The following MED13 variants were observed in gnomAD, a reference collection of about 807,000 sequenced individuals.
MED13 encodes mediator complex subunit 13.
In MED13, 23 loss-of-function variants were observed where a neutral mutation model predicts 225.2. The observed-to-expected ratio is 0.10, with a 90% CI of 0.07 to 0.14. MED13 has a LOEUF of 0.14. Ranked by LOEUF, MED13 falls within the 10% of genes least tolerant of loss-of-function variation. MED13 has a pLI of 1.00. For synonymous variants in MED13, 942 were observed against 889.2 expected (o/e 1.06, Z -1.06); for missense variants, 2,197 against 2,594.5 (o/e 0.85, Z 3.33).
intron 20 of MED13, 138 bp from the exon 21 acceptor site, chr17:61,963,109 T>C (rs2080017969): frequency 1.5e-6 from 1 of 649,672 alleles, no homozygotes; most frequent in South Asian, 1.9e-5. Context: ...ATGAAGGACA[T>C]TTCTTTCTCG....
intron 8 of MED13, among the ~76,000 whole-genome samples, chr17:62,025,787 T>G (rs1312890787): frequency 1.3e-5 from 2 of 152,156 alleles, no homozygotes; most frequent in African/African-American, 4.8e-5. Context: ...TTAGGTGTGG[T>G]TTTTTTAGCT....
Position 62,029,934 on chromosome 17 carries a change from A to G in MED13, c.1089T>C (p.His363=). 2 of 1,614,050 alleles carry G rather than the reference A, an allele frequency of 1.2e-6. No homozygotes were observed. Among genetic ancestry groups the G allele is most frequent in the Non-Finnish European group, 8.5e-7 (1 of 1,179,992 alleles). The change falls in exon 7 of 30, where the codon CAT becomes CAC. Residue 363 remains histidine, a synonymous_variant. Transcript: ENST00000397786. ...CTAATTTTCTGGGTATTTTCCCACCATGGTGGCTAGTACTATCGGAGTTGA... is the reference window on the plus strand; with the variant it reads ...CTAATTTTCTGGGTATTTTCCCACCGTGGTGGCTAGTACTATCGGAGTTGA... ...DGFNSDSTSH[H]GGKIPRKLAN...
intron 23 of MED13, among the ~76,000 whole-genome samples, chr17:61,960,250 T>A (rs1424181035): frequency 3.9e-5 from 6 of 152,070 alleles, no homozygotes; most frequent in Non-Finnish European, 5.9e-5. Context: ...AAAATGGTCA[T>A]CATATTCTGA....
At position 61,990,461 on chromosome 17, in the gene MED13, T is replaced by G. The variant is rs999267690; in HGVS notation, c.2263+2079A>C. 3.3e-5 allele frequency among the ~76,000 whole-genome samples: 5 copies of G among 152,108 alleles called. No homozygotes were observed. In the South Asian group the frequency reaches 1.0e-3, roughly 32 times the overall value. The stretch of plus-strand genomic sequence containing the variant: ...ATACCAGTCTCCATTGTTTAAATTA[T>G]AACTGAAAAATGATTTAGAATAAGA... On this transcript the variant is annotated intron_variant, in intron 11 of 29. Transcript: ENST00000397786.
intron 3 of MED13, among the ~76,000 whole-genome samples, chr17:62,042,860 G>A (rs998262264): frequency 1.4e-4 from 21 of 150,532 alleles, no homozygotes; most frequent in Non-Finnish European, 3.1e-4. Flanking sequence ...AGAAATTACG[G>A]TAAGAAAGGC....
At chr17:61,950,509 G>C (rs563171169) in intron 28 of MED13, among the ~76,000 whole-genome samples, 2 of 150,856 alleles carry the variant, frequency 1.3e-5, no homozygotes, top group Non-Finnish European at 1.5e-5. Context: ...TTAGCCTCCC[G>C]AGTAGCTGGG....
At chr17:62,033,760 CT>C (rs1338397545) in intron 5 of MED13, 26 bp downstream of exon 5, 1 of 1,603,920 alleles carries the variant, frequency 6.2e-7, no homozygotes, top group South Asian at 1.1e-5. Context: ...GCATTTTCCC[CT>C]TAGGAATAAT....
chr17:62,065,082 G>A, intron 1 of MED13, 58 bp downstream of exon 1: 8 of 1,465,356 alleles, frequency 5.5e-6, no homozygotes, highest in Non-Finnish European at 6.4e-6. Flanking sequence ...CTCCCCCACG[G>A]CCCAAGGGCG....
chr17:61,966,048 G>A (rs1342893017), intron 19 of MED13, among the ~76,000 whole-genome samples: 3 of 152,220 alleles, frequency 2.0e-5, no homozygotes, highest in Middle Eastern at 3.4e-3. Flanking sequence ...AACAGCTGTC[G>A]TTTTCTTAGC....
chr17:61,998,585 C>G (rs1270392085), intron 9 of MED13, among the ~76,000 whole-genome samples: 2 of 147,424 alleles, frequency 1.4e-5, no homozygotes, highest in East Asian at 3.9e-4. Flanking sequence ...ATGTCAAAAT[C>G]TTCCCACCGC....
intron 3 of MED13, among the ~76,000 whole-genome samples, chr17:62,048,846 C>A (rs991650174): frequency 2.0e-5 from 3 of 152,104 alleles, no homozygotes; most frequent in Admixed American, 6.6e-5. Flanking sequence ...CTCACATACA[C>A]AGAACCTCCA....
intron 8 of MED13, among the ~76,000 whole-genome samples, chr17:62,021,180 G>A (rs1413091877): frequency 1.3e-5 from 2 of 150,836 alleles, no homozygotes; most frequent in African/African-American, 4.9e-5. Flanking sequence ...TGTCATCATG[G>A]CCCGTTCTCA....
rs551226294 is a variant in MED13, at chr17:61,971,655, C to T, written c.3967+1072G>A. Among the ~76,000 whole-genome samples, 5 of 152,186 alleles carry T rather than the reference C, an allele frequency of 3.3e-5. No homozygotes were observed. In the South Asian group the frequency reaches 1.0e-3, roughly 32 times the overall value. ...TTTATACTAAAATATATTTTCTGGC[C>T]GGGCACAGTGGCTCATGCCTGTAAT... On this transcript the variant is annotated intron_variant, in intron 17 of 29. Transcript: ENST00000397786.
chr17:61,967,976 T>C, intron 18 of MED13, 59 bp downstream of exon 18: 3 of 1,329,722 alleles, frequency 2.3e-6, no homozygotes, highest in Non-Finnish European at 3.2e-6. Flanking sequence ...GTATGCTGTA[T>C]ATACAACAAT....
Position 61,955,490 on chromosome 17 carries a change from C to T in MED13, c.5860G>A (p.Asp1954Asn), listed in dbSNP as rs1311810079. 6.2e-7 allele frequency: 1 copy of T among 1,603,244 alleles called. No homozygotes were observed. Among genetic ancestry groups the T allele is most frequent in the African/African-American group, 1.3e-5 (1 of 74,528 alleles). Residue 1954 changes from aspartate to asparagine, a missense_variant, in exon 26 of 30, where the codon GAT becomes AAT. Asp to Asn is a conservative substitution (Grantham distance 23). Coordinates refer to ENST00000397786, the MANE Select transcript of MED13 (RefSeq NM_005121.3). Reference sequence around the variant, plus strand: ...ACAAGTATATGAGTACATGATGTATCCTGTGGGGTATTTAGCTGAGATGTC... The same window carrying T: ...ACAAGTATATGAGTACATGATGTATTCTGTGGGGTATTTAGCTGAGATGTC... The part of the protein sequence containing the change: ...MQTSQLNTPQ[D>N]TSCTHILVFP...
At chr17:61,946,777 G>C (rs1165743877) in intron 29 of MED13, 140 bp downstream of exon 29, 1 of 1,075,646 alleles carries the variant, frequency 9.3e-7, no homozygotes, top group East Asian at 2.4e-5. Flanking sequence ...GATTACTCAA[G>C]TTAGAATAGC....
At chr17:62,042,858 C>T (rs974945729) in intron 3 of MED13, among the ~76,000 whole-genome samples, 27 of 151,390 alleles carry the variant, frequency 1.8e-4, no homozygotes, top group East Asian at 2.0e-4. Context: ...AAAGAAATTA[C>T]GGTAAGAAAG....
intron 18 of MED13, 35 bp from the exon 19 acceptor site, chr17:61,966,686 A>G: frequency 7.0e-7 from 1 of 1,418,612 alleles, no homozygotes; most frequent in South Asian, 1.4e-5. Flanking sequence ...GAATTAGTAA[A>G]TTTATTATTG....
At chr17:61,948,808 C>T (rs370195526) in intron 28 of MED13, among the ~76,000 whole-genome samples, 1 of 150,128 alleles carries the variant, frequency 6.7e-6, no homozygotes, top group East Asian at 2.0e-4. Flanking sequence ...GAGTCACGGC[C>T]GGGCGCGGTG....
Sources: allele counts gnomAD v4.1 joint callset (sites outside exome capture counted in the v4.1 genomes callset), GRCh38; gene constraint gnomAD v4.1.1; transcripts MANE v1.5; gene names NCBI Gene and HGNC (gene_info 2026-07-23, HGNC 2026-07-21).